Variants in CASK observed in about 807,000 individuals in gnomAD.
CASK encodes the protein calcium/calmodulin dependent serine protein kinase.
CASK carries 4 observed loss-of-function variants against 82.9 expected under a neutral mutation model. The ratio of observed to expected loss-of-function variants is 0.05; its 90% CI spans 0.02 to 0.11. The LOEUF (loss-of-function observed/expected upper bound fraction) is 0.11. Among genes scored for constraint, CASK ranks in the 10% least tolerant of loss-of-function variants. The pLI is 1.00. For missense variants in CASK, 358 were observed against 720.9 expected (o/e 0.50, Z 5.76); for synonymous variants, 259 against 253.5 (o/e 1.02, Z -0.20).
At chrX:41,673,977 T>A in intron 5 of CASK, among the ~76,000 whole-genome samples, 1 of 109,715 alleles carries the variant, frequency 9.1e-6, no homozygotes, top group East Asian at 2.9e-4. Context: ...TCTTTTAAAA[T>A]GGCATTTTTG....
chrX:41,578,481 A>G lies in CASK; in HGVS notation c.1362T>C (p.Asp454=), dbSNP rs767743064. 36 of 1,208,026 alleles carry G rather than the reference A, an allele frequency of 3.0e-5. No homozygotes were observed. In the South Asian group the frequency reaches 5.8e-4, roughly 20 times the overall value. Reference sequence around the variant, plus strand: ...GAGGAGGTGTGACCCTCAATGCTTCATCACTGTAAACTTCATGTGCCACTA... The same window carrying G: ...GAGGAGGTGTGACCCTCAATGCTTCGTCACTGTAAACTTCATGTGCCACTA... ...HDVVAHEVYS[D]EALRVTPPPT... Residue 454 remains aspartate, a synonymous_variant, in exon 15 of 27, where the codon GAT becomes GAC. Coordinates refer to ENST00000378163, the MANE Select transcript of CASK (RefSeq NM_001367721.1).
intron 9 of CASK, among the ~76,000 whole-genome samples, chrX:41,627,381 G>C (rs1369725967): frequency 8.9e-6 from 1 of 112,024 alleles, no homozygotes; most frequent in Admixed American, 9.5e-5. Flanking sequence ...AATGTTGGGA[G>C]TTACTGCTTC....
At chrX:41,728,021 T>C (rs1236674721) in intron 5 of CASK, 3 of 1,105,664 alleles carry the variant, frequency 2.7e-6, no homozygotes, top group South Asian at 2.2e-5. Flanking sequence ...TCAGCACATA[T>C]GCAATCATAT....
intron 2 of CASK, among the ~76,000 whole-genome samples, chrX:41,794,027 T>C (rs753578456): frequency 8.9e-6 from 1 of 112,325 alleles, no homozygotes; most frequent in Non-Finnish European, 1.9e-5. Context: ...CAGGCCACCA[T>C]AGAAATCTGG....
intron 5 of CASK, among the ~76,000 whole-genome samples, chrX:41,702,682 T>A (rs1009997577): frequency 6.3e-5 from 7 of 111,341 alleles, no homozygotes; most frequent in Non-Finnish European, 1.3e-4. Flanking sequence ...TAGTCCCAGC[T>A]ACTCGGGAGG....
intron 2 of CASK, among the ~76,000 whole-genome samples, chrX:41,829,616 T>C (rs1410086803): frequency 4.2e-5 from 1 of 23,804 alleles, no homozygotes; most frequent in Non-Finnish European, 7.8e-5. Context: ...GTTTTTTTTT[T>C]TTTTGGGGGG....
At chrX:41,685,754 A>G (rs1284908826) in intron 5 of CASK, among the ~76,000 whole-genome samples, 1 of 112,027 alleles carries the variant, frequency 8.9e-6, no homozygotes, top group Non-Finnish European at 1.9e-5. Flanking sequence ...AAGTGCTGGG[A>G]TTACAAGCAT....
At chrX:41,873,557 T>C (rs1321740065) in intron 1 of CASK, among the ~76,000 whole-genome samples, 1 of 111,124 alleles carries the variant, frequency 9.0e-6, no homozygotes, top group Non-Finnish European at 1.9e-5. Context: ...CATTCCTATT[T>C]TATTTTGGCT....
intron 6 of CASK, among the ~76,000 whole-genome samples, chrX:41,669,991 A>G (rs2067174452): frequency 8.9e-6 from 1 of 112,393 alleles, no homozygotes; most frequent in Non-Finnish European, 1.9e-5. Flanking sequence ...AATTGTTCAG[A>G]GTGGTTTCAA....
intron 5 of CASK, among the ~76,000 whole-genome samples, chrX:41,682,610 AT>A (rs139247193): frequency 2.3e-3 from 225 of 95,883 alleles, no homozygotes; most frequent in Middle Eastern, 5.3e-3. Context: ...AGTTTGATAA[AT>A]TTTTTTTTTT....
At chrX:41,714,786 T>C (rs957865166) in intron 5 of CASK, among the ~76,000 whole-genome samples, 2 of 112,122 alleles carry the variant, frequency 1.8e-5, no homozygotes, top group Non-Finnish European at 3.8e-5. Flanking sequence ...GAAATACCCA[T>C]GCTTTCTCAC....
At chrX:41,868,447 C>T (rs2071630935) in intron 1 of CASK, among the ~76,000 whole-genome samples, 1 of 111,913 alleles carries the variant, frequency 8.9e-6, no homozygotes, top group Non-Finnish European at 1.9e-5. Flanking sequence ...AATGAACTTA[C>T]AACTTCCTTT....
At chrX:41,809,389 A>G (rs1189639887) in intron 2 of CASK, among the ~76,000 whole-genome samples, 2 of 112,208 alleles carry the variant, frequency 1.8e-5, no homozygotes, top group African/African-American at 6.5e-5. Context: ...TCTGAGACGA[A>G]GCTTCCAGAG....
intron 1 of CASK, among the ~76,000 whole-genome samples, chrX:41,866,188 GC>G (rs2071588770): frequency 8.9e-6 from 1 of 112,742 alleles, no homozygotes; most frequent in South Asian, 3.7e-4. Flanking sequence ...AGGGCCAGGG[GC>G]TTTGCTGCTC....
intron 1 of CASK, among the ~76,000 whole-genome samples, chrX:41,856,169 C>T (rs755509590): frequency 1.2e-4 from 13 of 112,031 alleles, no homozygotes; most frequent in Non-Finnish European, 3.8e-5. Context: ...TGCTAGAATA[C>T]AGCATGTTGG....
intron 5 of CASK, among the ~76,000 whole-genome samples, chrX:41,738,700 C>A (rs1447448167): frequency 1.8e-5 from 2 of 111,296 alleles, no homozygotes; most frequent in Non-Finnish European, 3.8e-5. Flanking sequence ...AAAGTGTAGC[C>A]CAGGGTCAAA....
chrX:41,607,330 C>T lies in CASK; in HGVS notation c.1155+2574G>A, dbSNP rs184585553. Among the ~76,000 whole-genome samples the T allele has an allele frequency of 3.6e-5, 4 of 111,941 alleles. No homozygotes were observed. In the Admixed American group the frequency reaches 3.8e-4, roughly 11 times the overall value. On this transcript the variant is annotated intron_variant, in intron 12 of 26. Transcript: ENST00000378163. ...AGTAAGAAAAAATACAACTTTGAAA[C>T]CAATTTGGGCTTCTCTCAGTGTTTA...
intron 5 of CASK, 42 bp downstream of exon 5, chrX:41,739,342 T>C: frequency 1.2e-6 from 1 of 808,334 alleles, no homozygotes. Flanking sequence ...TATATCAGTA[T>C]TTCTTCACAA....
intron 2 of CASK, among the ~76,000 whole-genome samples, chrX:41,822,557 C>CAAAAAAAAAA (rs61374081): frequency 2.4e-3 from 119 of 50,616 alleles, no homozygotes; most frequent in East Asian, 4.8e-3. Flanking sequence ...GACTCCGTCT[C>CAAAAAAAAAA]AAAAAAAAAA....
Sources: allele counts gnomAD v4.1 joint callset (sites outside exome capture counted in the v4.1 genomes callset), GRCh38; gene constraint gnomAD v4.1.1; transcripts MANE v1.5; gene names NCBI Gene and HGNC (gene_info 2026-07-23, HGNC 2026-07-21).